HS6ST3: variants seen among roughly 807,000 people sequenced by gnomAD.
The protein encoded by HS6ST3 is heparan-sulfate 6-O-sulfotransferase 3.
Under a neutral mutation model 36.7 loss-of-function variants are expected in HS6ST3, and 12 were observed. The observed-to-expected ratio is 0.33, with a 90% confidence interval of 0.21 to 0.53. HS6ST3 has a LOEUF of 0.53. Among genes scored for constraint, HS6ST3 ranks in the 20% least tolerant of loss-of-function variants. The pLI, the probability that HS6ST3 is intolerant of heterozygous loss-of-function variation, is 0.95. For synonymous variants in HS6ST3, 240 were observed against 257.5 expected (o/e 0.93, Z 0.65); for missense variants, 584 against 640.9 (o/e 0.91, Z 0.96).
intron 1 of HS6ST3, among the ~76,000 whole-genome samples, chr13:96,130,989 G>T (rs184494057): frequency 6.6e-6 from 1 of 152,046 alleles, no homozygotes. Flanking sequence ...CATTCTTAAC[G>T]CTGTTCCCTC....
intron 1 of HS6ST3, among the ~76,000 whole-genome samples, chr13:96,630,917 G>C (rs1305998259): frequency 1.3e-5 from 2 of 152,066 alleles, no homozygotes; most frequent in Non-Finnish European, 2.9e-5. Flanking sequence ...TTTTTGTGTA[G>C]TGTCTGTTGG....
chr13:96,176,940 C>A (rs1246423409), intron 1 of HS6ST3, among the ~76,000 whole-genome samples: 2 of 152,108 alleles, frequency 1.3e-5, no homozygotes, highest in Non-Finnish European at 2.9e-5. Flanking sequence ...AAACAAACAA[C>A]CCTGTTAAAA....
intron 1 of HS6ST3, among the ~76,000 whole-genome samples, chr13:96,804,987 T>C (rs1229637449): frequency 6.6e-6 from 1 of 152,186 alleles, no homozygotes; most frequent in Non-Finnish European, 1.5e-5. Context: ...TATCTGAAAG[T>C]GTGACAAAAA....
At chr13:96,631,880 C>G (rs2056533206) in intron 1 of HS6ST3, among the ~76,000 whole-genome samples, 1 of 152,114 alleles carries the variant, frequency 6.6e-6, no homozygotes, top group Admixed American at 6.5e-5. Flanking sequence ...GACTCAATGC[C>G]AAAGCAGGGT....
chr13:96,225,555 A>G (rs1299219733), intron 1 of HS6ST3, among the ~76,000 whole-genome samples: 1 of 152,254 alleles, frequency 6.6e-6, no homozygotes, highest in Non-Finnish European at 1.5e-5. Context: ...AGGAGGTAGT[A>G]CTAGAAAAGG....
chr13:96,799,784 TAAAA>T (rs141104397), intron 1 of HS6ST3, among the ~76,000 whole-genome samples: 1 of 140,204 alleles, frequency 7.1e-6, no homozygotes, highest in East Asian at 2.1e-4. Flanking sequence ...AGTATAATAA[TAAAA>T]AAAAAAAACT....
chr13:96,734,389 C>T (rs1204577115), intron 1 of HS6ST3, among the ~76,000 whole-genome samples: 2 of 152,214 alleles, frequency 1.3e-5, no homozygotes, highest in South Asian at 2.1e-4. Flanking sequence ...TATGATTTCT[C>T]TTACATTAGT....
At chr13:96,502,193 G>A (rs2056007272) in intron 1 of HS6ST3, among the ~76,000 whole-genome samples, 1 of 152,132 alleles carries the variant, frequency 6.6e-6, no homozygotes, top group Non-Finnish European at 1.5e-5. Flanking sequence ...TTTATCTTGG[G>A]TGATATCTGA....
chr13:96,131,363 TA>T (rs150858279), intron 1 of HS6ST3, among the ~76,000 whole-genome samples: 2 of 152,066 alleles, frequency 1.3e-5, no homozygotes, highest in African/African-American at 2.4e-5. Flanking sequence ...TTAAACAAAT[TA>T]AAAAAAATCT....
intron 1 of HS6ST3, among the ~76,000 whole-genome samples, chr13:96,435,645 G>A (rs1326607472): frequency 6.6e-6 from 1 of 152,160 alleles, no homozygotes; most frequent in Non-Finnish European, 1.5e-5. Context: ...TTGGTTAAGT[G>A]AATAGATGGA....
intron 1 of HS6ST3, among the ~76,000 whole-genome samples, chr13:96,178,994 A>T (rs1002521544): frequency 2.0e-5 from 3 of 152,238 alleles, no homozygotes; most frequent in African/African-American, 4.8e-5. Flanking sequence ...ACTAACATTT[A>T]CTAAAACAAC....
Position 96,119,658 on chromosome 13 carries a change from G to A in HS6ST3, c.707+28089G>A, listed in dbSNP as rs370556229. ...CGGATCTATCCCACTTCCTACTGTA[G>A]AGTATAATTAATCTTGAAGACTGTG... On this transcript the variant is annotated intron_variant, in intron 1 of 1. Coordinates refer to ENST00000376705, the MANE Select transcript of HS6ST3 (RefSeq NM_153456.4). 8.5e-5 allele frequency among the ~76,000 whole-genome samples: 13 copies of A among 152,214 alleles called. No individual in the cohort carries two copies. In the East Asian group the frequency reaches 2.5e-3, roughly 29 times the overall value.
intron 1 of HS6ST3, among the ~76,000 whole-genome samples, chr13:96,666,325 C>A (rs1198418472): frequency 6.6e-6 from 1 of 152,066 alleles, no homozygotes; most frequent in East Asian, 1.9e-4. Flanking sequence ...CAATTCAAGG[C>A]GAGATTTGGG....
At chr13:96,798,242 C>T (rs776017000) in intron 1 of HS6ST3, among the ~76,000 whole-genome samples, 3 of 152,104 alleles carry the variant, frequency 2.0e-5, no homozygotes, top group Admixed American at 6.6e-5. Context: ...TCAGCTATCC[C>T]GAAGCTCCCC....
chr13:96,532,493 A>G (rs2056139631), intron 1 of HS6ST3, among the ~76,000 whole-genome samples: 1 of 152,230 alleles, frequency 6.6e-6, no homozygotes, highest in Non-Finnish European at 1.5e-5. Flanking sequence ...CACAAGGAGT[A>G]GGTGCAAAAG....
intron 1 of HS6ST3, among the ~76,000 whole-genome samples, chr13:96,217,656 A>C (rs914815553): frequency 6.6e-6 from 1 of 152,234 alleles, no homozygotes; most frequent in South Asian, 2.1e-4. Context: ...GCAGGATCTT[A>C]AAGTTTAGTC....
intron 1 of HS6ST3, among the ~76,000 whole-genome samples, chr13:96,127,749 T>C (rs2053958628): frequency 6.6e-6 from 1 of 152,262 alleles, no homozygotes; most frequent in Non-Finnish European, 1.5e-5. Context: ...GCTCTTATTC[T>C]AGGTACGGTA....
chr13:96,579,737 C>T (rs575223540), intron 1 of HS6ST3, among the ~76,000 whole-genome samples: 3 of 152,182 alleles, frequency 2.0e-5, no homozygotes, highest in African/African-American at 7.2e-5. Context: ...AAGTTCTAGC[C>T]CTTTCTCTGC....
rs188274464 is a variant in HS6ST3, at chr13:96,791,034, C to G, written c.708-41456C>G. 1.8e-3 allele frequency among the ~76,000 whole-genome samples: 270 copies of G among 152,140 alleles called. 4 individuals are homozygous for G. The highest frequency in any genetic ancestry group is 0.015 in the Admixed American group (228 of 15,242). On this transcript the variant is annotated intron_variant, in intron 1 of 1. Transcript: ENST00000376705. ...AGAGATCTTTTTCTCCCTCCAACCC[C>G]CACTGATATTAGATACAGTTTGGGG...
Sources: allele counts gnomAD v4.1 joint callset (sites outside exome capture counted in the v4.1 genomes callset), GRCh38; gene constraint gnomAD v4.1.1; transcripts MANE v1.5; gene names NCBI Gene and HGNC (gene_info 2026-07-23, HGNC 2026-07-21).